HDAC9: variants seen among roughly 807,000 people sequenced by gnomAD.
HDAC9 encodes the protein histone deacetylase 9.
Under a neutral mutation model 139.4 loss-of-function variants are expected in HDAC9, and 41 were observed. That is an observed-to-expected ratio of 0.29 (90% CI 0.23 to 0.38). The LOEUF (loss-of-function observed/expected upper bound fraction) is 0.38. Ranked by LOEUF, HDAC9 falls within the 10% of genes least tolerant of loss-of-function variation. The pLI, the probability that HDAC9 is intolerant of heterozygous loss-of-function variation, is 1.00. For missense variants in HDAC9, 1,147 were observed against 1,297.0 expected (o/e 0.88, Z 1.78); for synonymous variants, 517 against 476.2 (o/e 1.09, Z -1.12).
chr7:18,857,361 GTGTA>G (rs1554380829), intron 21 of HDAC9, among the ~76,000 whole-genome samples: 56 of 151,516 alleles, frequency 3.7e-4, no homozygotes, highest in East Asian at 5.8e-4. Context: ...GTGTGTGTGT[GTGTA>G]TGTATGTATG....
At chr7:18,349,767 A>G (rs1782712936) in intron 1 of HDAC9, among the ~76,000 whole-genome samples, 1 of 152,138 alleles carries the variant, frequency 6.6e-6, no homozygotes, top group South Asian at 2.1e-4. Flanking sequence ...CACTATGCAG[A>G]AAAAATATGT....
chr7:18,770,444 A>T (rs1290520302), intron 16 of HDAC9, among the ~76,000 whole-genome samples: 2 of 152,180 alleles, frequency 1.3e-5, no homozygotes, highest in African/African-American at 4.8e-5. Context: ...TATCACTAAA[A>T]ATAGTGATCA....
At chr7:18,213,687 C>G (rs972423593) in intron 2 of HDAC9, among the ~76,000 whole-genome samples, 1 of 152,124 alleles carries the variant, frequency 6.6e-6, no homozygotes, top group Non-Finnish European at 1.5e-5. Flanking sequence ...GACCTAAACT[C>G]AGATACAGCC....
chr7:18,107,277 A>T (rs1783282336), intron 1 of HDAC9, among the ~76,000 whole-genome samples: 1 of 152,116 alleles, frequency 6.6e-6, no homozygotes, highest in Non-Finnish European at 1.5e-5. Flanking sequence ...CTGCTTAGTG[A>T]TAACTGCTTT....
intron 22 of HDAC9, among the ~76,000 whole-genome samples, chr7:18,930,949 CTT>C (rs1804688263): frequency 2.0e-5 from 3 of 152,080 alleles, no homozygotes; most frequent in Admixed American, 6.5e-5. Context: ...CGCTCTGTCT[CTT>C]TCTTTCTTTA....
rs1365897488 is a variant in HDAC9 at position 18,647,949 on chromosome 7, G to A, written c.1200G>A (p.Gln400=). 1 of 1,612,414 alleles carries A rather than the reference G, an allele frequency of 6.2e-7. No individual in the cohort carries two copies. The highest frequency in any genetic ancestry group is 1.3e-5 in the African/African-American group (1 of 75,018). ...PPNSSHQALL[Q]HLLLKEQMRQ... is the part of the protein sequence containing the mutation. Reference sequence around the variant, plus strand: ...ACAGCAGCCACCAGGCTCTCCTGCAGCATTTATTATTGAAAGAACAAATGC... The same window carrying A: ...ACAGCAGCCACCAGGCTCTCCTGCAACATTTATTATTGAAAGAACAAATGC... The change falls in exon 10 of 26, where the codon CAG becomes CAA. Residue 400 remains glutamine (Q), a synonymous_variant. Coordinates refer to ENST00000686413, the MANE Select transcript of HDAC9 (RefSeq NM_178425.4).
chr7:18,577,573 C>A (rs1321713636), intron 2 of HDAC9, among the ~76,000 whole-genome samples: 1 of 152,200 alleles, frequency 6.6e-6, no homozygotes, highest in East Asian at 1.9e-4. Flanking sequence ...CCCTACCCTG[C>A]CCAACCCCAT....
intron 17 of HDAC9, among the ~76,000 whole-genome samples, chr7:18,803,831 A>G (rs1008963383): frequency 2.0e-5 from 3 of 152,162 alleles, no homozygotes; most frequent in African/African-American, 7.2e-5. Flanking sequence ...AGTCAGTGAT[A>G]TTTTGTGATA....
intron 1 of HDAC9, among the ~76,000 whole-genome samples, chr7:18,360,363 T>C (rs563836022): frequency 1.3e-5 from 2 of 152,202 alleles, no homozygotes; most frequent in South Asian, 4.1e-4. Context: ...TGTCCTTTGG[T>C]AATATTTTTC....
chr7:18,972,963 A>G (rs996258330), intron 24 of HDAC9, among the ~76,000 whole-genome samples: 1 of 152,200 alleles, frequency 6.6e-6, no homozygotes, highest in South Asian at 2.1e-4. Context: ...TAATTCTTTT[A>G]AGCTGAGAAT....
chr7:18,823,580 A>G (rs969631442), intron 17 of HDAC9, among the ~76,000 whole-genome samples: 1 of 152,148 alleles, frequency 6.6e-6, no homozygotes, highest in African/African-American at 2.4e-5. Context: ...CATATGTTGA[A>G]GCCCTAATCT....
intron 1 of HDAC9, among the ~76,000 whole-genome samples, chr7:18,486,478 T>G (rs926598992): frequency 1.3e-5 from 2 of 152,124 alleles, no homozygotes; most frequent in Non-Finnish European, 2.9e-5. Flanking sequence ...GAACTTCTTT[T>G]TATTAGAGCT....
At chr7:18,363,674 G>A (rs963302228) in intron 1 of HDAC9, among the ~76,000 whole-genome samples, 9 of 152,088 alleles carry the variant, frequency 5.9e-5, no homozygotes, top group African/African-American at 2.2e-4. Context: ...TTGCCCCTCA[G>A]AAGTGCAGTG....
At chr7:18,110,551 A>G (rs1783546270) in intron 1 of HDAC9, among the ~76,000 whole-genome samples, 1 of 152,046 alleles carries the variant, frequency 6.6e-6, no homozygotes, top group Non-Finnish European at 1.5e-5. Context: ...ACATGGGAAT[A>G]TGGATGGTGA....
chr7:18,310,950 A>T (rs1799276752), intron 1 of HDAC9, among the ~76,000 whole-genome samples: 1 of 152,060 alleles, frequency 6.6e-6, no homozygotes, highest in Non-Finnish European at 1.5e-5. Flanking sequence ...TTTCTAAAAA[A>T]AGTTATATAT....
At chr7:18,874,340 C>G (rs1440396780) in intron 21 of HDAC9, 138 bp from the exon 22 acceptor site, 2 of 522,418 alleles carry the variant, frequency 3.8e-6, no homozygotes, top group Admixed American at 6.1e-5. Flanking sequence ...ACGCTTTTGT[C>G]CCATTCAAAT....
At chr7:18,623,549 C>A (rs2128952342) in intron 6 of HDAC9, among the ~76,000 whole-genome samples, 1 of 152,046 alleles carries the variant, frequency 6.6e-6, no homozygotes, top group Middle Eastern at 3.4e-3. Context: ...GAGCCAAGAA[C>A]CAGGATGTGT....
At chr7:18,725,767 G>A (rs1188457194) in intron 12 of HDAC9, among the ~76,000 whole-genome samples, 2 of 152,152 alleles carry the variant, frequency 1.3e-5, no homozygotes, top group African/African-American at 4.8e-5. Context: ...CCCTGTAACA[G>A]TGAGTTCCAT....
chr7:18,867,982 C>G (rs1798620176), intron 21 of HDAC9, among the ~76,000 whole-genome samples: 2 of 151,978 alleles, frequency 1.3e-5, no homozygotes, highest in Non-Finnish European at 2.9e-5. Flanking sequence ...TTTGATTGTT[C>G]TTTTTCATAA....
Sources: allele counts gnomAD v4.1 joint callset (sites outside exome capture counted in the v4.1 genomes callset), GRCh38; gene constraint gnomAD v4.1.1; transcripts MANE v1.5; gene names NCBI Gene and HGNC (gene_info 2026-07-23, HGNC 2026-07-21).